Variants in CACNB4 observed in about 807,000 individuals in gnomAD.
The protein encoded by CACNB4 is voltage-dependent L-type calcium channel subunit beta-4.
CACNB4 carries 32 observed loss-of-function variants against 71.2 expected under a neutral mutation model. The ratio of observed to expected loss-of-function variants is 0.45; its 90% CI spans 0.34 to 0.60. The LOEUF (loss-of-function observed/expected upper bound fraction) is 0.60. CACNB4 is among the 20% of genes least tolerant of loss of function. The pLI is 0.01. For synonymous variants in CACNB4, 231 were observed against 236.9 expected (o/e 0.97, Z 0.23); for missense variants, 464 against 647.9 (o/e 0.72, Z 3.08).
chr2:151,855,561 A>T (rs951034098), intron 10 of CACNB4, among the ~76,000 whole-genome samples, 186 bp from the exon 11 acceptor site: 2 of 152,220 alleles, frequency 1.3e-5, no homozygotes, highest in Admixed American at 6.5e-5. Flanking sequence ...TTTTGCATAC[A>T]ACCAGTTGGT....
intron 2 of CACNB4, among the ~76,000 whole-genome samples, chr2:151,910,693 T>C (rs965691640): frequency 1.3e-5 from 2 of 152,220 alleles, no homozygotes; most frequent in Admixed American, 6.5e-5. Flanking sequence ...CTGTTTTGGT[T>C]ATTGTAGCCT....
At chr2:152,039,774 G>A (rs768156218) in intron 2 of CACNB4, among the ~76,000 whole-genome samples, 2 of 152,216 alleles carry the variant, frequency 1.3e-5, no homozygotes, top group Non-Finnish European at 2.9e-5. Context: ...GCGAAGCTCA[G>A]GGAAAACTAC....
intron 2 of CACNB4, among the ~76,000 whole-genome samples, chr2:152,069,926 T>G (rs1579239637): frequency 6.9e-6 from 1 of 145,080 alleles, no homozygotes; most frequent in East Asian, 2.1e-4. Flanking sequence ...CACTGCAAGC[T>G]CTGCCTCCCG....
At chr2:151,929,493 T>C (rs1193450843) in intron 2 of CACNB4, among the ~76,000 whole-genome samples, 6 of 152,214 alleles carry the variant, frequency 3.9e-5, no homozygotes, top group Non-Finnish European at 7.3e-5. Context: ...TTTGAAATCA[T>C]TAGCCTATGT....
chr2:151,991,292 T>G (rs1464645877), intron 2 of CACNB4, among the ~76,000 whole-genome samples: 2 of 152,328 alleles, frequency 1.3e-5, no homozygotes, highest in South Asian at 2.1e-4. Flanking sequence ...CCAATTTAGT[T>G]CTTATTAATC....
chr2:151,926,231 T>C (rs2151587911), intron 2 of CACNB4, among the ~76,000 whole-genome samples: 1 of 152,312 alleles, frequency 6.6e-6, no homozygotes, highest in Middle Eastern at 3.4e-3. Context: ...TGAGAACTAG[T>C]TGCCAAAAAA....
intron 2 of CACNB4, among the ~76,000 whole-genome samples, chr2:151,962,568 G>A (rs924012982): frequency 2.0e-5 from 3 of 152,180 alleles, no homozygotes; most frequent in Non-Finnish European, 2.9e-5. Flanking sequence ...AATGAAATTC[G>A]GATGCTCATG....
intron 2 of CACNB4, among the ~76,000 whole-genome samples, chr2:152,019,478 T>C (rs1683536317): frequency 2.6e-5 from 4 of 152,138 alleles, no homozygotes; most frequent in Non-Finnish European, 4.4e-5. Context: ...AGCTACTCAG[T>C]ACATGTTTAA....
intron 2 of CACNB4, among the ~76,000 whole-genome samples, chr2:152,062,158 C>T (rs1396598759): frequency 1.3e-5 from 2 of 151,914 alleles, no homozygotes; most frequent in East Asian, 1.9e-4. Flanking sequence ...GTGAAAATTT[C>T]CCCTAATTTT....
intron 2 of CACNB4, among the ~76,000 whole-genome samples, chr2:152,015,941 A>G (rs1519708): frequency 0.43 from 65,672 of 152,172 alleles, 16,214 homozygotes; most frequent in Non-Finnish European, 0.57. Flanking sequence ...TTCCAGACAG[A>G]TATGTGCTAA....
chr2:151,919,314 C>G (rs2099858331), intron 2 of CACNB4, among the ~76,000 whole-genome samples: 2 of 152,160 alleles, frequency 1.3e-5, no homozygotes, highest in African/African-American at 2.4e-5. Flanking sequence ...TCACTGCAGC[C>G]TCACACTCCT....
chr2:151,973,832 C>G, intron 2 of CACNB4: 1 of 1,504,926 alleles, frequency 6.6e-7, no homozygotes. Context: ...CTTATCAATT[C>G]CTGTGGATTT....
rs757554449 is a variant in CACNB4, at chr2:152,098,986, T to C, written c.26A>G (p.Asn9Ser). The change falls in exon 1 of 14, where the codon AAC becomes AGC. Residue 9 changes from asparagine to serine, a missense_variant. Transcript: ENST00000539935. The surrounding 1 kb of genome is among the most constrained non-coding windows in gnomAD (Gnocchi z 5.3). ...GGAGTGCGGCCCGTCCGCGGTCCCGTTCTTGGCGTAGGAGGAGGAGGACAT... is the reference window on the plus strand; with the variant it reads ...GGAGTGCGGCCCGTCCGCGGTCCCGCTCTTGGCGTAGGAGGAGGAGGACAT... MSSSSYAK[N>S]GTADGPHSPT... 8.5e-6 allele frequency: 13 copies of C among 1,534,728 alleles called. No homozygotes were observed. Among genetic ancestry groups the C allele is most frequent in the Non-Finnish European group, 1.1e-5 (13 of 1,143,346 alleles).
chr2:151,961,519 C>T (rs1320004237), intron 2 of CACNB4, among the ~76,000 whole-genome samples: 1 of 152,204 alleles, frequency 6.6e-6, no homozygotes, highest in East Asian at 1.9e-4. Context: ...CATATGAAAG[C>T]CAACACACAT....
intron 2 of CACNB4, among the ~76,000 whole-genome samples, chr2:152,047,546 T>C (rs1685200488): frequency 6.6e-6 from 1 of 152,244 alleles, no homozygotes; most frequent in Admixed American, 6.5e-5. Context: ...TGATTTACGA[T>C]TATGCTTGTA....
chr2:152,074,152 A>G (rs770190717), intron 2 of CACNB4, among the ~76,000 whole-genome samples: 10 of 152,174 alleles, frequency 6.6e-5, no homozygotes, highest in Non-Finnish European at 1.3e-4. Context: ...AGGCAGGCTG[A>G]GCAACAGAGG....
At position 151,921,138 on chromosome 2, in the gene CACNB4, A is replaced by AAAATAAAT. The variant is rs70974809; in HGVS notation, c.148-37776_148-37769dup. On this transcript the variant is annotated intron_variant, in intron 2 of 13. Coordinates refer to ENST00000539935, the MANE Select transcript of CACNB4 (RefSeq NM_000726.5). Reference sequence around the variant, plus strand: ...AGCAACAGAGCAAGACTCCGTCTCAAAAATAAATAAATAAATAAATAAATA... The same window carrying AAAATAAAT: ...AGCAACAGAGCAAGACTCCGTCTCAAAAATAAATAAATAAATAAATAAATAAATAAATA... 5.7e-3 allele frequency among the ~76,000 whole-genome samples: 789 copies of AAAATAAAT among 137,594 alleles called. 6 individuals carry two copies. The highest frequency in any genetic ancestry group is 0.019 in the African/African-American group (701 of 37,548). 90.3% of individuals were successfully genotyped at this position (137,594 alleles called of 152,430 possible). A position where few individuals can be genotyped will look rare whatever the true frequency, so the allele number is the denominator to read the frequency against.
At chr2:152,000,082 G>A (rs1387297532) in intron 2 of CACNB4, among the ~76,000 whole-genome samples, 2 of 152,174 alleles carry the variant, frequency 1.3e-5, no homozygotes, top group African/African-American at 4.8e-5. Flanking sequence ...TTTCCTCCCA[G>A]TCATACCTTT....
At chr2:151,883,420 G>C in intron 2 of CACNB4, 50 bp from the exon 3 acceptor site, 1 of 1,600,236 alleles carries the variant, frequency 6.2e-7, no homozygotes, top group Middle Eastern at 1.7e-4. Flanking sequence ...TTCTTAAATT[G>C]TCACATCCAT....
Sources: gnomAD v4.1 joint callset for allele counts (sites outside exome capture counted in the v4.1 genomes callset) on GRCh38, gnomAD v4.1.1 for gene constraint, Gnocchi (gnomAD v3.1) non-coding constraint, MANE v1.5 for transcripts, NCBI Gene and HGNC (gene_info 2026-07-23, HGNC 2026-07-21) for gene names.